The following ARHGEF9 variants were observed in gnomAD, a reference collection of about 807,000 sequenced individuals.
The protein encoded by ARHGEF9 is Cdc42 guanine nucleotide exchange factor 9, also known as rho guanine nucleotide exchange factor 9.
A neutral mutation model predicts 41.3 loss-of-function variants in ARHGEF9; 2 were observed. The ratio of observed to expected loss-of-function variants is 0.05; its 90% CI spans 0.02 to 0.15. The LOEUF is 0.15. Among genes scored for constraint, ARHGEF9 ranks in the 10% least tolerant of loss-of-function variants. The pLI, the probability that ARHGEF9 is intolerant of heterozygous loss-of-function variation, is 1.00. For synonymous variants in ARHGEF9, 160 were observed against 154.4 expected (o/e 1.04, Z -0.27); for missense variants, 225 against 424.7 (o/e 0.53, Z 4.13).
At chrX:63,659,051 C>T (rs2049053035) in intron 7 of ARHGEF9, among the ~76,000 whole-genome samples, 1 of 112,470 alleles carries the variant, frequency 8.9e-6, no homozygotes, top group Admixed American at 9.4e-5. Context: ...ATTGTGAAGG[C>T]CCTGACATAC....
chrX:63,707,080 C>T (rs1441907970), intron 2 of ARHGEF9, among the ~76,000 whole-genome samples: 1 of 111,704 alleles, frequency 9.0e-6, no homozygotes, highest in Non-Finnish European at 1.9e-5. Context: ...ACTATTATCA[C>T]CATTTCACAG....
chrX:63,643,995 C>T lies in ARHGEF9; in HGVS notation c.1375G>A (p.Val459Ile). ...GCAGCTTTACCTTTTTGCTTAGGGA[C>T]TTTTCTCACAGTCATTGCAGCCTGC... is the stretch of plus-strand genomic sequence containing the variant. ...KRQAAMTVRK[V>I]PKQKGVNSAR... Residue 459 changes from valine (V) to isoleucine (I), a missense_variant, in exon 9 of 10, where the codon GTC becomes ATC. This residue lies in a region of ARHGEF9 where 75 missense variants were observed against 113.2 expected (regional missense o/e 0.66). Coordinates refer to ENST00000671741, the MANE Select transcript of ARHGEF9 (RefSeq NM_001353921.2). 4.1e-6 allele frequency: 5 copies of T among 1,210,748 alleles called. No homozygotes were observed. Among genetic ancestry groups the T allele is most frequent in the Non-Finnish European group, 5.6e-6 (5 of 895,095 alleles).
intron 1 of ARHGEF9, among the ~76,000 whole-genome samples, chrX:63,766,312 G>C (rs2056112754): frequency 8.9e-6 from 1 of 111,917 alleles, no homozygotes; most frequent in African/African-American, 3.3e-5. Context: ...GGCCCCATTT[G>C]TGTGTGAATA....
chrX:63,663,524 C>T (rs1556344087), intron 7 of ARHGEF9, among the ~76,000 whole-genome samples: 2 of 110,900 alleles, frequency 1.8e-5, no homozygotes, highest in African/African-American at 6.6e-5. Context: ...ACTGAACTTT[C>T]GGACATCCAA....
At chrX:63,726,022 C>A (rs1296143269) in intron 1 of ARHGEF9, among the ~76,000 whole-genome samples, 2 of 112,255 alleles carry the variant, frequency 1.8e-5, no homozygotes, top group African/African-American at 6.5e-5. Context: ...AAATGCACAA[C>A]ACATACGAAC....
intron 1 of ARHGEF9, chrX:63,754,408 AT>A (rs373743708): frequency 0.011 from 8,362 of 755,139 alleles, no homozygotes; most frequent in Admixed American, 0.026. Context: ...TCTGTCTGTG[AT>A]TTTTTTTTTT....
At chrX:63,771,830 C>T (rs1446001693) in intron 1 of ARHGEF9, among the ~76,000 whole-genome samples, 2 of 111,423 alleles carry the variant, frequency 1.8e-5, no homozygotes, top group Non-Finnish European at 3.8e-5. Flanking sequence ...GCCTCCCCGA[C>T]TGCTGGGATT....
intron 3 of ARHGEF9, among the ~76,000 whole-genome samples, chrX:63,701,906 A>C (rs2052209595): frequency 8.9e-6 from 1 of 112,187 alleles, no homozygotes; most frequent in South Asian, 3.7e-4. Context: ...TCATATTTTT[A>C]TCCTAGGATA....
At chrX:63,770,730 T>C (rs1297605985) in intron 1 of ARHGEF9, among the ~76,000 whole-genome samples, 1 of 111,771 alleles carries the variant, frequency 8.9e-6, no homozygotes, top group Non-Finnish European at 1.9e-5. Context: ...CTCCTACTAC[T>C]CTCATAATAG....
In ARHGEF9 at chrX:63,665,198, G is replaced by A. The variant is rs191804237; in HGVS notation, c.1077+688C>T. Among the ~76,000 whole-genome samples the A allele has an allele frequency of 3.7e-3, 411 of 112,193 alleles. 3 individuals carry two copies. Among genetic ancestry groups the A allele is most frequent in the African/African-American group, 0.013 (389 of 30,928 alleles). On this transcript the variant is annotated intron_variant, in intron 7 of 9. Transcript: ENST00000671741. ...AGAGTATCCCATAAGGAGGAGTGACGCTTAGAACATATGCTACCCTTCCCA... is the reference window on the plus strand; with the variant it reads ...AGAGTATCCCATAAGGAGGAGTGACACTTAGAACATATGCTACCCTTCCCA...
rs782663130 is a variant in ARHGEF9 at position 63,749,195 on chromosome X, G to A, written c.31-24484C>T. ...GCTGAGGAAGCTAGTATGACTTCAG[G>A]GATGACTCCCAAATCTCCTTTCTTT... On this transcript the variant is annotated intron_variant, in intron 1 of 9. Coordinates refer to ENST00000671741, the MANE Select transcript of ARHGEF9 (RefSeq NM_001353921.2). Among the ~76,000 whole-genome samples the A allele has an allele frequency of 1.5e-3, 167 of 111,860 alleles. 2 individuals are homozygous for A. The highest frequency in any genetic ancestry group is 4.2e-3 in the African/African-American group (130 of 30,820).
intron 1 of ARHGEF9, among the ~76,000 whole-genome samples, chrX:63,768,342 C>T (rs150078383): frequency 1.9e-3 from 211 of 112,127 alleles, no homozygotes; most frequent in Non-Finnish European, 3.5e-3. Context: ...TAGTATTCCA[C>T]GGTGTTTATA....
intron 1 of ARHGEF9, among the ~76,000 whole-genome samples, chrX:63,772,574 A>G (rs2056222881): frequency 8.9e-6 from 1 of 111,913 alleles, no homozygotes; most frequent in African/African-American, 3.3e-5. Flanking sequence ...GGCATTACTG[A>G]GGCACAGAAA....
intron 4 of ARHGEF9, among the ~76,000 whole-genome samples, chrX:63,680,927 C>T (rs782298926): frequency 9.0e-6 from 1 of 111,720 alleles, no homozygotes; most frequent in East Asian, 2.8e-4. Context: ...CCTTCTTCTT[C>T]TCTACTTCCT....
intron 1 of ARHGEF9, among the ~76,000 whole-genome samples, chrX:63,737,770 G>A (rs1296692002): frequency 2.7e-5 from 3 of 111,994 alleles, no homozygotes; most frequent in Non-Finnish European, 1.9e-5. Flanking sequence ...CTGGGGATAA[G>A]CAGAGTGGGG....
chrX:63,757,578 C>A (rs782320358), intron 1 of ARHGEF9, among the ~76,000 whole-genome samples: 2 of 111,585 alleles, frequency 1.8e-5, no homozygotes, highest in Admixed American at 1.9e-4. Flanking sequence ...TGGTGGCCAA[C>A]AAGTCTTTTA....
Position 63,635,509 on chromosome X carries a change from G to C in ARHGEF9, c.*2519C>G. On this transcript the variant is annotated 3_prime_UTR_variant, in exon 10 of 10. Coordinates refer to ENST00000671741, the MANE Select transcript of ARHGEF9 (RefSeq NM_001353921.2). ...ATACTGAACCCAGGTATTTAATTGG[G>C]CTCCCCTTGGGGCTGTTGGCCACTG... The C allele has an allele frequency of 2.0e-6, 1 of 493,754 alleles. No homozygotes were observed. The highest frequency in any genetic ancestry group is 3.6e-6 in the Non-Finnish European group (1 of 275,442). The allele number at this position is 493,754 out of a possible 1,213,427, so 40.7% of individuals were successfully genotyped here.
chrX:63,700,861 G>T (rs1211547389), intron 3 of ARHGEF9, among the ~76,000 whole-genome samples: 2 of 111,600 alleles, frequency 1.8e-5, no homozygotes, highest in Admixed American at 1.9e-4. Context: ...AATGGTAACA[G>T]GGAACAGGGT....
chrX:63,775,054 G>T (rs1338440329), intron 1 of ARHGEF9, among the ~76,000 whole-genome samples: 1 of 112,188 alleles, frequency 8.9e-6, no homozygotes, highest in Non-Finnish European at 1.9e-5. Context: ...CATACATGTG[G>T]CCAAGAAGCA....
Sources: gnomAD v4.1 joint callset for allele counts (sites outside exome capture counted in the v4.1 genomes callset) on GRCh38, gnomAD v4.1.1 for gene constraint, gnomAD v4.1.1 regional missense constraint, MANE v1.5 for transcripts, NCBI Gene and HGNC (gene_info 2026-07-23, HGNC 2026-07-21) for gene names.